TMEM175: variants seen among roughly 807,000 people sequenced by gnomAD.
TMEM175 encodes transmembrane protein 175, also known as endosomal/lysosomal proton channel TMEM175.
In TMEM175, 36 loss-of-function variants were observed where a neutral mutation model predicts 36.5. That is an observed-to-expected ratio of 0.99 (90% CI 0.76 to 1.30). The LOEUF is 1.30. TMEM175 is among the 50% of genes most tolerant of loss of function. TMEM175 has a pLI of 0.00. For synonymous variants in TMEM175, 339 were observed against 313.4 expected (o/e 1.08, Z -0.86); for missense variants, 705 against 692.8 (o/e 1.02, Z -0.20).
At chr4:943,205 C>A (rs751502496) in intron 1 of TMEM175, among the ~76,000 whole-genome samples, 1 of 152,136 alleles carries the variant, frequency 6.6e-6, no homozygotes, top group African/African-American at 2.4e-5. Flanking sequence ...CACCCCTACA[C>A]GAGTACTAGA....
At chr4:951,064 C>G (rs751837245) in intron 4 of TMEM175, 143 bp from the exon 5 acceptor site, 3 of 827,694 alleles carry the variant, frequency 3.6e-6, no homozygotes, top group African/African-American at 1.7e-5. Flanking sequence ...TTCCAAACTC[C>G]GTGCACTAGG....
At position 958,146 on chromosome 4, in the gene TMEM175, T is replaced by C. The variant is rs752809551; in HGVS notation, c.1165T>C (p.Phe389Leu). The C allele has an allele frequency of 5.6e-6, 9 of 1,603,174 alleles. No homozygotes were observed. Among genetic ancestry groups the C allele is most frequent in the Admixed American group, 1.7e-5 (1 of 59,996 alleles). Residue 389 changes from phenylalanine to leucine, a missense_variant, in exon 11 of 11, where the codon TTC (phenylalanine) becomes CTC (leucine). By Grantham distance (22) the Phe-to-Leu change is conservative (BLOSUM62 0). Coordinates refer to ENST00000264771, the MANE Select transcript of TMEM175 (RefSeq NM_032326.4). ...SCTIIFLASI[F>L]QLAMWTTALL... ...CACCATCATCTTCCTGGCCAGCATC[T>C]TCCAGCTGGCCATGTGGACCACGGC...
chr4:951,929 A>G, intron 6 of TMEM175: 2 of 609,154 alleles, frequency 3.3e-6, no homozygotes, highest in Non-Finnish European at 5.8e-6. Flanking sequence ...TGAGGGAGTC[A>G]CCGGCGCTCC....
intron 10 of TMEM175, among the ~76,000 whole-genome samples, chr4:957,373 C>T (rs3822019): frequency 0.12 from 18,465 of 152,268 alleles, 1,514 homozygotes; most frequent in East Asian, 0.3. Flanking sequence ...CTGAGACCCC[C>T]ATGTGCATCT....
At chr4:939,208 T>C (rs1727142231) in intron 1 of TMEM175, among the ~76,000 whole-genome samples, 1 of 152,210 alleles carries the variant, frequency 6.6e-6, no homozygotes, top group Admixed American at 6.5e-5. Flanking sequence ...TTTATAAAGG[T>C]GTAAAAGTAG....
intron 4 of TMEM175, 113 bp downstream of exon 4, chr4:950,631 A>G: frequency 1.2e-6 from 1 of 803,958 alleles, no homozygotes; most frequent in South Asian, 1.5e-5. Context: ...TACTCCTCCC[A>G]CCCTCATCCG....
rs892400785 is a variant in TMEM175 at position 955,482 on chromosome 4, G to T, written c.705G>T (p.Leu235=). Residue 235 remains leucine, a splice_region_variant and synonymous_variant, in exon 9 of 11, where the codon CTG becomes CTT. Transcript: ENST00000264771. The part of the protein sequence containing the change: ...KVTGWCRDRL[L]GHREPSAHPV... ...CCGGCTGGTGCAGAGACAGGCTCCT[G>T]GGTAGGTGATGACTGGGTGGGCTGG... The T allele has an allele frequency of 4.3e-6, 7 of 1,613,692 alleles. No individual in the cohort carries two copies. The African/African-American group carries it at 9.3e-5, about 22-fold the overall frequency.
In TMEM175 at chr4:952,393, T is replaced by C. The variant is rs764545319; in HGVS notation, c.405T>C (p.Asp135=). ...YTFSLMVTFP[D]VPLGIFLFCV... is the part of the protein sequence containing the mutation. ...TTTCGTTAATGGTGACCTTCCCTGA[T>C]GTGCCTCTGGGCATCTTCTTGTTCT... The change falls in exon 7 of 11, where the codon GAT becomes GAC. Residue 135 remains aspartate, a synonymous_variant. Transcript: ENST00000264771. 6.2e-7 allele frequency: 1 copy of C among 1,612,268 alleles called. No individual in the cohort carries two copies. Among genetic ancestry groups the C allele is most frequent in the Admixed American group, 1.7e-5 (1 of 60,022 alleles).
intron 4 of TMEM175, 72 bp from the exon 5 acceptor site, chr4:951,135 G>C: frequency 7.3e-7 from 1 of 1,364,440 alleles, no homozygotes; most frequent in Non-Finnish European, 1.0e-6. Context: ...AGAAGATGCT[G>C]GAAAGAGTGT....
At chr4:949,200 G>A (rs572136949) in intron 3 of TMEM175, among the ~76,000 whole-genome samples, 1 of 152,304 alleles carries the variant, frequency 6.6e-6, no homozygotes, top group Non-Finnish European at 1.5e-5. Flanking sequence ...CACCTGTGAT[G>A]CCCGTGCCAG....
chr4:933,078 T>G (rs1726242847), intron 1 of TMEM175, among the ~76,000 whole-genome samples: 1 of 152,212 alleles, frequency 6.6e-6, no homozygotes, highest in Non-Finnish European at 1.5e-5. Flanking sequence ...AATGCCCAAC[T>G]ATTTGGAGAT....
intron 3 of TMEM175, among the ~76,000 whole-genome samples, chr4:949,956 G>A (rs1422024551): frequency 2.0e-5 from 3 of 152,182 alleles, no homozygotes; most frequent in African/African-American, 7.2e-5. Flanking sequence ...ACCCGGTTAT[G>A]ATGGCAGAGC....
chr4:947,908 C>T lies in TMEM175; in HGVS notation c.153+16C>T, dbSNP rs756860800. The T allele has an allele frequency of 1.2e-6, 2 of 1,613,746 alleles. No homozygotes were observed. The highest frequency in any genetic ancestry group is 4.5e-5 in the East Asian group (2 of 44,882). ...CACCGTCATGGTCTGTACGGGGCCC[C>T]TGCTTAGGCCTGCCCCACCCCGAGC... On this transcript the variant is annotated intron_variant, in intron 2 of 10. Coordinates refer to ENST00000264771, the MANE Select transcript of TMEM175 (RefSeq NM_032326.4).
At chr4:934,893 T>C (rs1726622217) in intron 1 of TMEM175, among the ~76,000 whole-genome samples, 1 of 152,192 alleles carries the variant, frequency 6.6e-6, no homozygotes, top group Non-Finnish European at 1.5e-5. Context: ...TGGGCTGCAG[T>C]TGTAGGTGAC....
In TMEM175 at chr4:953,349, C is replaced by T. The variant is rs1032335277; in HGVS notation, c.622C>T (p.Pro208Ser). Residue 208 changes from proline to serine, a missense_variant, in exon 8 of 11, where the codon CCC becomes TCC. Pro to Ser is a moderately conservative substitution (Grantham distance 74, BLOSUM62 -1). Coordinates refer to ENST00000264771, the MANE Select transcript of TMEM175 (RefSeq NM_032326.4). ...AAAIFSLFFV[P>S]LSYLLMVTVI... ...GGCCATCTTCTCTCTCTTCTTTGTC[C>T]CCTTGGTGAGTGCTGGGACAGCCCG... The T allele has an allele frequency of 6.2e-7, 1 of 1,611,044 alleles. No homozygotes were observed. Among genetic ancestry groups the T allele is most frequent in the Non-Finnish European group, 8.5e-7 (1 of 1,178,376 alleles).
chr4:950,896 A>T (rs1486912719), intron 4 of TMEM175, among the ~76,000 whole-genome samples: 4 of 138,868 alleles, frequency 2.9e-5, no homozygotes, highest in Non-Finnish European at 6.1e-5. Context: ...ATGGTGCAAT[A>T]GGTGGAGGTG....
chr4:948,867 G>A (rs1456400809), intron 3 of TMEM175, among the ~76,000 whole-genome samples: 3 of 152,234 alleles, frequency 2.0e-5, no homozygotes, highest in Admixed American at 6.5e-5. Context: ...GAGCCTGGGG[G>A]ACGCCGAGAA....
In TMEM175 at chr4:952,560, G is replaced by A. The variant is rs1350977232; in HGVS notation, c.462+110G>A. 7 of 992,388 alleles carry A rather than the reference G, an allele frequency of 7.1e-6. No homozygotes were observed. The East Asian group carries it at 8.0e-5, about 11-fold the overall frequency. 61.5% of individuals were successfully genotyped at this position (992,388 alleles called of 1,614,324 possible). A position where few individuals can be genotyped will look rare whatever the true frequency, so the allele number is the denominator to read the frequency against. Reference sequence around the variant, plus strand: ...TGCAGGTAGGGGGCCCAGGGGGCCTGCACTGTGTGTGTGTGTGTGTGTGTG... The same window carrying A: ...TGCAGGTAGGGGGCCCAGGGGGCCTACACTGTGTGTGTGTGTGTGTGTGTG... On this transcript the variant is annotated intron_variant, in intron 7 of 10. Transcript: ENST00000264771.
chr4:941,980 A>T (rs1036361998), intron 1 of TMEM175, among the ~76,000 whole-genome samples: 1 of 151,812 alleles, frequency 6.6e-6, no homozygotes, highest in Non-Finnish European at 1.5e-5. Flanking sequence ...TATAGTTTTA[A>T]CTCTTACATT....
Sources: allele counts gnomAD v4.1 joint callset (sites outside exome capture counted in the v4.1 genomes callset), GRCh38; gene constraint gnomAD v4.1.1; transcripts MANE v1.5; gene names NCBI Gene and HGNC (gene_info 2026-07-23, HGNC 2026-07-21).